The following ARHGAP35 variants were observed in gnomAD, a reference collection of about 807,000 sequenced individuals.
ARHGAP35 encodes rho GTPase-activating protein 35.
ARHGAP35 carries 15 observed loss-of-function variants against 111.1 expected under a neutral mutation model. The ratio of observed to expected loss-of-function variants is 0.13; its 90% CI spans 0.09 to 0.21. The LOEUF is 0.21. Ranked by LOEUF, ARHGAP35 falls within the 10% of genes least tolerant of loss-of-function variation. The pLI, the probability that ARHGAP35 is intolerant of heterozygous loss-of-function variation, is 1.00. For missense variants in ARHGAP35, 1,262 were observed against 1,873.0 expected (o/e 0.67, Z 6.02); for synonymous variants, 643 against 710.3 (o/e 0.91, Z 1.51).
At chr19:46,972,662 A>G (rs1003107281) in intron 3 of ARHGAP35, among the ~76,000 whole-genome samples, 1 of 152,152 alleles carries the variant, frequency 6.6e-6, no homozygotes, top group African/African-American at 2.4e-5. Context: ...ACTTGCACAT[A>G]TTAAAAGAGA....
rs750559194 is a variant in ARHGAP35 at position 46,920,425 on chromosome 19, C to G, written c.1750C>G (p.Arg584Gly). 20 of 1,613,560 alleles carry G rather than the reference C, an allele frequency of 1.2e-5. No homozygotes were observed. Among genetic ancestry groups the G allele is most frequent in the Non-Finnish European group, 8.5e-7 (1 of 1,179,648 alleles). The change falls in exon 2 of 7, where the codon CGG becomes GGG. Residue 584 changes from arginine to glycine, a missense_variant. Arg to Gly is a moderately radical substitution (Grantham distance 125). Coordinates refer to ENST00000672722, the MANE Select transcript of ARHGAP35 (RefSeq NM_004491.5). The surrounding 1 kb of genome is among the most constrained non-coding windows in gnomAD (Gnocchi z 7.0). ...ISSRFIRPSD[R>G]NQKNSLSDPN... is the part of the protein sequence containing the mutation. ...TTCTCGGTTTATCCGGCCGTCTGAC[C>G]GGAATCAGAAAAATTCACTCTCTGA...
rs1322000549 is a variant in ARHGAP35, at chr19:46,999,270, T to C, written c.4037-34T>C. ...CTGGGGTGGCCACCAGCCTCGGCCA[T>C]GAAAGGCAAGGCTTTGGTTTTCTCT... On this transcript the variant is annotated intron_variant, in intron 5 of 6. Coordinates refer to ENST00000672722, the MANE Select transcript of ARHGAP35 (RefSeq NM_004491.5). The surrounding 1 kb of genome is among the most constrained non-coding windows in gnomAD (Gnocchi z 5.4). 2.6e-6 allele frequency: 4 copies of C among 1,518,312 alleles called. No individual in the cohort carries two copies. Among genetic ancestry groups the C allele is most frequent in the Non-Finnish European group, 3.6e-6 (4 of 1,114,738 alleles). The allele number at this position is 1,518,312 out of a possible 1,614,324, so 94.1% of individuals were successfully genotyped here.
chr19:46,893,364 C>A (rs2056035843), intron 1 of ARHGAP35, among the ~76,000 whole-genome samples: 1 of 152,022 alleles, frequency 6.6e-6, no homozygotes, highest in African/African-American at 2.4e-5. Flanking sequence ...TGTTGATGAG[C>A]ATCTACCGTA....
intron 3 of ARHGAP35, among the ~76,000 whole-genome samples, chr19:46,953,649 G>T (rs1176687922): frequency 6.6e-6 from 1 of 152,104 alleles, no homozygotes; most frequent in Non-Finnish European, 1.5e-5. Context: ...CCTTTCTCTG[G>T]ATGTATACCC....
Position 46,993,546 on chromosome 19 carries a change from T to C in ARHGAP35, c.4036+3871T>C, listed in dbSNP as rs1490810234. 6.6e-6 allele frequency among the ~76,000 whole-genome samples: 1 copy of C among 152,186 alleles called. No homozygotes were observed. Among genetic ancestry groups the C allele is most frequent in the Non-Finnish European group, 1.5e-5 (1 of 68,026 alleles). On this transcript the variant is annotated intron_variant, in intron 5 of 6. Transcript: ENST00000672722. This position sits in a 1 kb window ranked among gnomAD's most constrained non-coding sequence, Gnocchi z 4.6. ...TGGTGTGTCTGTTTTGTAAGAGGTA[T>C]GGGAAGCTAATCGGTAAGGTCCCTG...
chr19:46,942,911 C>T (rs529232379), intron 3 of ARHGAP35, among the ~76,000 whole-genome samples: 6 of 151,610 alleles, frequency 4.0e-5, no homozygotes, highest in East Asian at 3.9e-4. Flanking sequence ...ATTCATTTGA[C>T]GTAAAACTAT....
In ARHGAP35 at chr19:46,919,741, G is replaced by C. The variant is rs1369446473; in HGVS notation, c.1066G>C (p.Asp356His). The C allele has an allele frequency of 6.2e-7, 1 of 1,613,888 alleles. No individual in the cohort carries two copies. Among genetic ancestry groups the C allele is most frequent in the East Asian group, 2.2e-5 (1 of 44,900 alleles). Reference sequence around the variant, plus strand: ...TTTTGAAGCTCTTATACCTAATCTAGATGAAATAGACCACCTAAGCTGCAT... The same window carrying C: ...TTTTGAAGCTCTTATACCTAATCTACATGAAATAGACCACCTAAGCTGCAT... ...LAFEALIPNLDEIDHLSCIKA... is the reference protein window; with the variant it reads ...LAFEALIPNLHEIDHLSCIKA... The change falls in exon 2 of 7, where the codon GAT becomes CAT. Residue 356 changes from aspartate to histidine, a missense_variant. Physicochemically the swap from Asp to His is moderately conservative, Grantham distance 81 (BLOSUM62 -1). Transcript: ENST00000672722. The surrounding 1 kb of genome is among the most constrained non-coding windows in gnomAD (Gnocchi z 6.2).
chr19:46,929,888 TG>T (rs1426540029), intron 2 of ARHGAP35, among the ~76,000 whole-genome samples: 1 of 149,516 alleles, frequency 6.7e-6, no homozygotes, highest in African/African-American at 2.5e-5. Context: ...CACTCCAGCC[TG>T]GGCAACAAGA....
intron 3 of ARHGAP35, among the ~76,000 whole-genome samples, chr19:46,971,167 G>A (rs544764145): frequency 1.3e-5 from 2 of 152,232 alleles, no homozygotes; most frequent in Admixed American, 1.3e-4. Flanking sequence ...CAGCACTTTG[G>A]GAGGCCGAGG....
chr19:47,003,556 C>G lies in ARHGAP35; in HGVS notation c.*2868C>G, dbSNP rs1017091554. 6.6e-6 allele frequency: 1 copy of G among 152,248 alleles called. No individual in the cohort carries two copies. Among genetic ancestry groups the G allele is most frequent in the Non-Finnish European group, 1.5e-5 (1 of 68,080 alleles). 9.4% of individuals were successfully genotyped at this position (152,248 alleles called of 1,614,324 possible). On this transcript the variant is annotated 3_prime_UTR_variant, in exon 7 of 7. Coordinates refer to ENST00000672722, the MANE Select transcript of ARHGAP35 (RefSeq NM_004491.5). ...TAGAATTCTTGGCTTGTGTCGCATA[C>G]TGGGTGTCACGGCACACATTTACTC...
chr19:46,988,137 G>A lies in ARHGAP35; in HGVS notation c.3904+71G>A, dbSNP rs2056660960. 7.5e-6 allele frequency: 11 copies of A among 1,462,306 alleles called. No homozygotes were observed. The Admixed American group carries it at 1.7e-4, about 22-fold the overall frequency. 90.6% of individuals were successfully genotyped at this position (1,462,306 alleles called of 1,614,324 possible). On this transcript the variant is annotated intron_variant, in intron 4 of 6. Coordinates refer to ENST00000672722, the MANE Select transcript of ARHGAP35 (RefSeq NM_004491.5). The surrounding 1 kb of genome is among the most constrained non-coding windows in gnomAD (Gnocchi z 5.4). ...GCAGACACAGCTGCCTCGGTGAACT[G>A]TCTGTGGGGCTTCGGAGCACTCCTG... is the stretch of plus-strand genomic sequence containing the variant.
intron 1 of ARHGAP35, among the ~76,000 whole-genome samples, chr19:46,888,566 C>G (rs1346093836): frequency 6.6e-6 from 1 of 151,114 alleles, no homozygotes; most frequent in Admixed American, 6.6e-5. Flanking sequence ...TCTTATATTT[C>G]AAGGTCCCAG....
rs1229530378 is a variant in ARHGAP35 at position 46,920,028 on chromosome 19, T to C, written c.1353T>C (p.Pro451=). ...CTCCTTTCATAACTCCCGGAAAGCC[T>C]TGGGAAGAGGCCCGTAGTTTTATTA... is the stretch of plus-strand genomic sequence containing the variant. The part of the protein sequence containing the change: ...ETSPFITPGK[P]WEEARSFIMN... Residue 451 remains proline (P), a synonymous_variant, in exon 2 of 7, where the codon CCT becomes CCC. Coordinates refer to ENST00000672722, the MANE Select transcript of ARHGAP35 (RefSeq NM_004491.5). This position sits in a 1 kb window ranked among gnomAD's most constrained non-coding sequence, Gnocchi z 7.0. 1 of 1,613,772 alleles carries C rather than the reference T, an allele frequency of 6.2e-7. No homozygotes were observed. Among genetic ancestry groups the C allele is most frequent in the African/African-American group, 1.3e-5 (1 of 74,882 alleles).
At chr19:46,863,440 T>G (rs527925495) in intron 1 of ARHGAP35, among the ~76,000 whole-genome samples, 1 of 152,132 alleles carries the variant, frequency 6.6e-6, no homozygotes, top group Non-Finnish European at 1.5e-5. Flanking sequence ...CTTTTTCCAT[T>G]GCCCCATTTT....
At position 46,872,652 on chromosome 19, in the gene ARHGAP35, G is replaced by A. The variant is rs143280657; in HGVS notation, c.-189+11443G>A. Among the ~76,000 whole-genome samples the A allele has an allele frequency of 4.4e-3, 666 of 152,070 alleles. 7 individuals carry two copies. The highest frequency in any genetic ancestry group is 0.015 in the African/African-American group (636 of 41,484). On this transcript the variant is annotated intron_variant, in intron 1 of 6. Coordinates refer to ENST00000672722, the MANE Select transcript of ARHGAP35 (RefSeq NM_004491.5). ...TCCCAGCACTTTGGGAGGCCGAGGC[G>A]GGCGGATCACAAGGTCAGGAGATCG... is the stretch of plus-strand genomic sequence containing the variant.
chr19:46,944,971 C>A (rs1304798151), intron 3 of ARHGAP35, among the ~76,000 whole-genome samples: 1 of 152,120 alleles, frequency 6.6e-6, no homozygotes, highest in Non-Finnish European at 1.5e-5. Context: ...CAAGAAATGA[C>A]CAGAGAGTAG....
At chr19:46,864,493 A>G (rs1022434025) in intron 1 of ARHGAP35, among the ~76,000 whole-genome samples, 9 of 152,344 alleles carry the variant, frequency 5.9e-5, no homozygotes, top group Middle Eastern at 3.4e-3. Flanking sequence ...TAACTGTGCT[A>G]TGATCAAACT....
chr19:46,966,087 C>T (rs1407138892), intron 3 of ARHGAP35, among the ~76,000 whole-genome samples: 2 of 152,144 alleles, frequency 1.3e-5, no homozygotes, highest in African/African-American at 4.8e-5. Context: ...CCCCTGGGGT[C>T]TACTTTGCAA....
chr19:46,974,288 C>T (rs1340387738), intron 3 of ARHGAP35, among the ~76,000 whole-genome samples: 1 of 152,164 alleles, frequency 6.6e-6, no homozygotes, highest in African/African-American at 2.4e-5. Flanking sequence ...GGGCTCAGTC[C>T]CACAAGACTG....
Sources: allele counts gnomAD v4.1 joint callset (sites outside exome capture counted in the v4.1 genomes callset), GRCh38; gene constraint gnomAD v4.1.1; non-coding constraint Gnocchi (gnomAD v3.1); transcripts MANE v1.5; gene names NCBI Gene and HGNC (gene_info 2026-07-23, HGNC 2026-07-21).